Variants in COL25A1 observed in about 807,000 individuals in gnomAD.
COL25A1 encodes collagen alpha-1(XXV) chain.
Under a neutral mutation model 128.4 loss-of-function variants are expected in COL25A1, and 103 were observed. That is an observed-to-expected ratio of 0.80 (90% CI 0.68 to 0.94). COL25A1 has a LOEUF of 0.94. Ranked by LOEUF, COL25A1 falls within the 40% of genes least tolerant of loss-of-function variation. COL25A1 has a pLI of 0.00. For missense variants in COL25A1, 745 were observed against 840.0 expected (o/e 0.89, Z 1.40); for synonymous variants, 279 against 277.2 (o/e 1.01, Z -0.06).
At chr4:109,290,760 G>GA (rs1354641063) in intron 3 of COL25A1, among the ~76,000 whole-genome samples, 12 of 151,310 alleles carry the variant, frequency 7.9e-5, no homozygotes, top group Non-Finnish European at 1.3e-4. Context: ...TAGCCAATGA[G>GA]AAAAAAAAAT....
chr4:109,115,762 T>C (rs1767486973), intron 3 of COL25A1, among the ~76,000 whole-genome samples: 1 of 151,880 alleles, frequency 6.6e-6, no homozygotes, highest in Admixed American at 6.6e-5. Context: ...AGTTCCCAAA[T>C]ACTAGTTCCC....
At chr4:109,186,095 G>A (rs1775106006) in intron 3 of COL25A1, among the ~76,000 whole-genome samples, 1 of 152,156 alleles carries the variant, frequency 6.6e-6, no homozygotes, top group Non-Finnish European at 1.5e-5. Flanking sequence ...CTCTTGCCAG[G>A]ACCTTTTGTC....
rs11931736 is a variant in COL25A1 at position 108,953,653 on chromosome 4, G to C, written c.493-12216C>G. Among the ~76,000 whole-genome samples, 650 of 152,234 alleles carry C rather than the reference G, an allele frequency of 4.3e-3. 7 individuals are homozygous for C. Among genetic ancestry groups the C allele is most frequent in the African/African-American group, 0.015 (606 of 41,548 alleles). ...TTTGCCACAGATGAAAGCAGACCTA[G>C]TGTGGCTACATCTTCACCTGCTCCA... On this transcript the variant is annotated intron_variant, in intron 8 of 37. Transcript: ENST00000399132.
At chr4:109,261,482 C>T (rs1578576768) in intron 3 of COL25A1, among the ~76,000 whole-genome samples, 1 of 152,064 alleles carries the variant, frequency 6.6e-6, no homozygotes, top group Non-Finnish European at 1.5e-5. Flanking sequence ...GAGCCAAGAT[C>T]GTGCCATGGC....
intron 6 of COL25A1, among the ~76,000 whole-genome samples, chr4:109,009,704 TATA>T (rs1308754133): frequency 6.6e-6 from 1 of 152,200 alleles, no homozygotes; most frequent in African/African-American, 2.4e-5. Context: ...TCCTAGGGAT[TATA>T]ATTAGTATTG....
intron 15 of COL25A1, among the ~76,000 whole-genome samples, chr4:108,896,995 C>T (rs1742224746): frequency 6.6e-6 from 1 of 152,176 alleles, no homozygotes; most frequent in African/African-American, 2.4e-5. Flanking sequence ...CTTCTTAATT[C>T]TGTCTCTGCT....
intron 31 of COL25A1, 192 bp from the exon 32 acceptor site, chr4:108,832,625 A>G (rs1733272963): frequency 2.0e-6 from 1 of 498,090 alleles, no homozygotes; most frequent in Non-Finnish European, 3.5e-6. Flanking sequence ...GATGAAGTAT[A>G]TAACTGCATG....
chr4:108,819,867 G>T, intron 35 of COL25A1: 2 of 1,231,668 alleles, frequency 1.6e-6, no homozygotes, highest in Non-Finnish European at 2.0e-6. Context: ...CTCCCCTTTA[G>T]GCCCCTTTTT....
intron 11 of COL25A1, among the ~76,000 whole-genome samples, chr4:108,937,374 C>T (rs889694964): frequency 2.6e-5 from 4 of 151,766 alleles, no homozygotes; most frequent in African/African-American, 4.8e-5. Context: ...AAAGGCACAA[C>T]GATTTTTCTC....
chr4:108,883,192 AT>A (rs1254659306), intron 19 of COL25A1, among the ~76,000 whole-genome samples: 2 of 151,702 alleles, frequency 1.3e-5, no homozygotes, highest in African/African-American at 4.8e-5. Context: ...CACTCAGATA[AT>A]TTTTTTTGTA....
intron 8 of COL25A1, among the ~76,000 whole-genome samples, chr4:108,954,646 T>A (rs542507220): frequency 6.6e-6 from 1 of 152,026 alleles, no homozygotes; most frequent in African/African-American, 2.4e-5. Flanking sequence ...TTTCTTTATT[T>A]AAATGTACTT....
intron 8 of COL25A1, chr4:108,942,332 G>A (rs1245951891): frequency 6.9e-7 from 1 of 1,451,734 alleles, no homozygotes; most frequent in African/African-American, 1.4e-5. Context: ...TTTCACTAGG[G>A]GACAAACAAA....
chr4:108,831,456 C>T (rs1733090677), intron 32 of COL25A1, among the ~76,000 whole-genome samples: 1 of 151,954 alleles, frequency 6.6e-6, no homozygotes, highest in Non-Finnish European at 1.5e-5. Context: ...TTTTTTAAAG[C>T]AAATTATCTC....
intron 3 of COL25A1, among the ~76,000 whole-genome samples, chr4:109,137,982 A>ATGTG (rs1418865784): frequency 6.6e-5 from 4 of 60,760 alleles, no homozygotes; most frequent in South Asian, 8.6e-4. Flanking sequence ...TTTTATATAT[A>ATGTG]TATGTGTGTG....
At chr4:109,179,434 G>A (rs527787459) in intron 3 of COL25A1, among the ~76,000 whole-genome samples, 8 of 152,274 alleles carry the variant, frequency 5.3e-5, no homozygotes, top group East Asian at 1.9e-4. Context: ...ATATGCATTC[G>A]TGATCCTAAA....
At chr4:109,020,389 G>C (rs1205838006) in intron 5 of COL25A1, among the ~76,000 whole-genome samples, 1 of 151,696 alleles carries the variant, frequency 6.6e-6, no homozygotes, top group Non-Finnish European at 1.5e-5. Context: ...ATGCTGAAAA[G>C]CAAAAGCCAT....
Position 109,184,879 on chromosome 4 carries a change from A to C in COL25A1, c.367+115704T>G, listed in dbSNP as rs377466618. Reference sequence around the variant, plus strand: ...AAACTCATTCCTTATTCAACAGCTCAAACTATTACAAAGCTCCTGTTTTAG... The same window carrying C: ...AAACTCATTCCTTATTCAACAGCTCCAACTATTACAAAGCTCCTGTTTTAG... On this transcript the variant is annotated intron_variant, in intron 3 of 37. Transcript: ENST00000399132. 1.4e-3 allele frequency among the ~76,000 whole-genome samples: 211 copies of C among 152,274 alleles called. 1 individual carries two copies. Among genetic ancestry groups the C allele is most frequent in the African/African-American group, 4.9e-3 (205 of 41,566 alleles).
chr4:108,832,029 T>C (rs546194614), intron 32 of COL25A1, among the ~76,000 whole-genome samples: 7 of 148,204 alleles, frequency 4.7e-5, no homozygotes, highest in South Asian at 2.1e-4. Flanking sequence ...TAAAAGATTA[T>C]CAACCAGAAT....
chr4:109,001,372 C>CAGGCCTCTGAGATCCTGTCAGGT (rs1755347254), intron 6 of COL25A1, among the ~76,000 whole-genome samples: 3 of 24,228 alleles, frequency 1.2e-4, no homozygotes, highest in Admixed American at 5.8e-4. Flanking sequence ...TTAAAAGAAA[C>CAGGCCTCTGAGATCCTGTCAGGT]AGGCATCTGA....
Sources: allele counts gnomAD v4.1 joint callset (sites outside exome capture counted in the v4.1 genomes callset), GRCh38; gene constraint gnomAD v4.1.1; transcripts MANE v1.5; gene names NCBI Gene and HGNC (gene_info 2026-07-23, HGNC 2026-07-21).